The following PLAAT3 variants were observed in gnomAD, a reference collection of about 807,000 sequenced individuals.
The protein encoded by PLAAT3 is phospholipase A and acyltransferase 3, also known as Ca-independent phospholipase A1/2.
PLAAT3 carries 21 observed loss-of-function variants against 16.7 expected under a neutral mutation model. The ratio of observed to expected loss-of-function variants is 1.26; its 90% CI spans 0.89 to 1.81. The LOEUF is 1.81. PLAAT3 is among the 40% of genes most tolerant of loss of function. The pLI is 0.00. For missense variants in PLAAT3, 219 were observed against 213.7 expected, an observed-to-expected ratio of 1.02 and a Z score of -0.16; for synonymous variants, 76 against 81.7, an observed-to-expected ratio of 0.93 and a Z score of 0.38.
intron 4 of PLAAT3, among the ~76,000 whole-genome samples, chr11:63,577,122 T>C (rs1001746185): frequency 6.6e-6 from 1 of 152,090 alleles, no homozygotes; most frequent in Admixed American, 6.5e-5. Context: ...GTAATGTGAG[T>C]TGGTTTTCTT....
At chr11:63,597,044 C>T (rs554281259) in intron 3 of PLAAT3, among the ~76,000 whole-genome samples, 5 of 151,016 alleles carry the variant, frequency 3.3e-5, no homozygotes, top group African/African-American at 4.9e-5. Context: ...TCCAGTGAGC[C>T]GAGATTGTGC....
chr11:63,593,858 G>C (rs1289407908), intron 3 of PLAAT3, among the ~76,000 whole-genome samples: 1 of 152,174 alleles, frequency 6.6e-6, no homozygotes, highest in Non-Finnish European at 1.5e-5. Context: ...GGGATTACAG[G>C]CATGAGCCAC....
intron 4 of PLAAT3, among the ~76,000 whole-genome samples, chr11:63,580,158 G>T (rs947555946): frequency 1.3e-5 from 2 of 152,134 alleles, no homozygotes; most frequent in African/African-American, 4.8e-5. Flanking sequence ...GACTGGAAGG[G>T]AATCTCCCCA....
rs939699132 is a variant in PLAAT3 at position 63,579,258 on chromosome 11, C to T, written c.388-4212G>A. On this transcript the variant is annotated intron_variant, in intron 4 of 4. Transcript: ENST00000415826. The stretch of plus-strand genomic sequence containing the variant: ...GAGAGGATATGGAGAAATAGGAACA[C>T]TTTTACACTGTTGGTGGGACTGTAA... Among the ~76,000 whole-genome samples, 8 of 152,166 alleles carry T rather than the reference C, an allele frequency of 5.3e-5. No individual in the cohort carries two copies. The South Asian group carries it at 1.7e-3, about 32-fold the overall frequency.
intron 3 of PLAAT3, among the ~76,000 whole-genome samples, chr11:63,593,989 G>A (rs540080088): frequency 3.3e-5 from 5 of 152,362 alleles, no homozygotes; most frequent in South Asian, 4.1e-4. Flanking sequence ...ACCAGGCGAG[G>A]GAGGGTGGTT....
chr11:63,583,240 T>C (rs1937873103), intron 4 of PLAAT3, among the ~76,000 whole-genome samples: 1 of 152,218 alleles, frequency 6.6e-6, no homozygotes. Flanking sequence ...CTCTAAAAGA[T>C]AATTAGGCAT....
chr11:63,597,869 T>C (rs1325701698), intron 3 of PLAAT3, among the ~76,000 whole-genome samples, 192 bp downstream of exon 3: 1 of 152,060 alleles, frequency 6.6e-6, no homozygotes, highest in Non-Finnish European at 1.5e-5. Flanking sequence ...CCCCCTGAGG[T>C]TCCCAGGAGC....
intron 2 of PLAAT3, among the ~76,000 whole-genome samples, chr11:63,601,395 ATT>A (rs397937285): frequency 6.9e-5 from 10 of 144,622 alleles, no homozygotes; most frequent in Non-Finnish European, 7.6e-5. Flanking sequence ...AAAAGCTGTA[ATT>A]TTTTTTTTTT....
At chr11:63,589,957 T>C (rs1565250263) in intron 4 of PLAAT3, 143 bp downstream of exon 4, 13 of 162,094 alleles carry the variant, frequency 8.0e-5, no homozygotes, top group Middle Eastern at 2.3e-3. Flanking sequence ...GTCCCCACCC[T>C]TGTCCCAACT....
chr11:63,585,554 C>T (rs961158896), intron 4 of PLAAT3, among the ~76,000 whole-genome samples: 1 of 152,024 alleles, frequency 6.6e-6, no homozygotes, highest in African/African-American at 2.4e-5. Flanking sequence ...AATTATCTGG[C>T]CCATAATGTC....
At position 63,614,006 on chromosome 11, in the gene PLAAT3, C is replaced by G; in HGVS notation, c.9G>C (p.Ala3=). 6.2e-7 allele frequency: 1 copy of G among 1,605,492 alleles called. No individual in the cohort carries two copies. The highest frequency in any genetic ancestry group is 1.1e-5 in the South Asian group (1 of 90,862). The part of the protein sequence containing the change: MR[A]PIPEPKPGDL... ...CGCCTCGCCCCGCACTTACAATGGG[C>G]GCACGCATCTTCCCTCGCGGTGTGG... is the stretch of plus-strand genomic sequence containing the variant. Residue 3 remains alanine (A), a synonymous_variant, in exon 2 of 5, where the codon GCG becomes GCC. Transcript: ENST00000415826.
upstream of PLAAT3, among the ~76,000 whole-genome samples, chr11:63,615,046 A>ATATGTG (rs1555047788): frequency 7.5e-5 from 1 of 13,334 alleles, no homozygotes; most frequent in Non-Finnish European, 1.6e-3. Context: ...ATATATGTAT[A>ATATGTG]TATATGTGTA....
intron 4 of PLAAT3, among the ~76,000 whole-genome samples, chr11:63,582,770 C>T (rs918085551): frequency 6.6e-6 from 1 of 152,146 alleles, no homozygotes; most frequent in Non-Finnish European, 1.5e-5. Flanking sequence ...GCCTCAGTAG[C>T]ATCAAGATAC....
chr11:63,596,237 CAAAAAAAA>C lies in PLAAT3; in HGVS notation c.118+1816_118+1823del, dbSNP rs56081443. Among the ~76,000 whole-genome samples the C allele has an allele frequency of 3.4e-4, 14 of 40,722 alleles. No individual in the cohort carries two copies. In the South Asian group the frequency reaches 5.6e-3, roughly 16 times the overall value. The allele number at this position is 40,722 out of a possible 152,430, so 26.7% of individuals were successfully genotyped here. A position where few individuals can be genotyped will look rare whatever the true frequency, so the allele number is the denominator to read the frequency against. The stretch of plus-strand genomic sequence containing the variant: ...CCTGGGCGACAGAGCGAGACTCTGT[CAAAAAAAA>C]AAAAAAAAAAAAAAAAAAAGAGTTG... On this transcript the variant is annotated intron_variant, in intron 3 of 4. Transcript: ENST00000415826.
At chr11:63,598,318 C>A (rs996529477) in intron 2 of PLAAT3, among the ~76,000 whole-genome samples, 155 bp from the exon 3 acceptor site, 11 of 152,238 alleles carry the variant, frequency 7.2e-5, no homozygotes, top group African/African-American at 2.4e-4. Flanking sequence ...GCCAGTCCAA[C>A]TTCACAAGCT....
chr11:63,590,761 G>C (rs1938132779), intron 3 of PLAAT3, among the ~76,000 whole-genome samples: 1 of 152,202 alleles, frequency 6.6e-6, no homozygotes, highest in Admixed American at 6.5e-5. Context: ...ACACAAAGCT[G>C]CTTACTGCAG....
intron 3 of PLAAT3, among the ~76,000 whole-genome samples, chr11:63,591,052 C>T (rs543042626): frequency 4.6e-5 from 7 of 152,090 alleles, no homozygotes; most frequent in South Asian, 4.1e-4. Context: ...ACCTGTGTGG[C>T]GCAGGGAGAG....
At chr11:63,581,841 C>T (rs190411122) in intron 4 of PLAAT3, among the ~76,000 whole-genome samples, 108 of 152,226 alleles carry the variant, frequency 7.1e-4, no homozygotes, top group African/African-American at 2.1e-3. Context: ...CCAACACTTA[C>T]GGAAAATAGA....
chr11:63,613,996 T>C lies in PLAAT3; in HGVS notation c.15+4A>G. On this transcript the variant is annotated splice_donor_region_variant and intron_variant, in intron 2 of 4. Coordinates refer to ENST00000415826, the MANE Select transcript of PLAAT3 (RefSeq NM_001128203.2). ...CGCCCAGCCCCGCCTCGCCCCGCAC[T>C]TACAATGGGCGCACGCATCTTCCCT... 6.8e-7 allele frequency: 1 copy of C among 1,480,000 alleles called. No homozygotes were observed. Among genetic ancestry groups the C allele is most frequent in the Non-Finnish European group, 9.5e-7 (1 of 1,057,902 alleles). 91.7% of individuals were successfully genotyped at this position (1,480,000 alleles called of 1,614,324 possible). A position where few individuals can be genotyped will look rare whatever the true frequency, so the allele number is the denominator to read the frequency against.
Sources: gnomAD v4.1 joint callset for allele counts (sites outside exome capture counted in the v4.1 genomes callset) on GRCh38, gnomAD v4.1.1 for gene constraint, MANE v1.5 for transcripts, NCBI Gene and HGNC (gene_info 2026-07-23, HGNC 2026-07-21) for gene names.